TSHZ3: variants seen among roughly 807,000 people sequenced by gnomAD.
TSHZ3 encodes the protein teashirt homolog 3.
Under a neutral mutation model 64.5 loss-of-function variants are expected in TSHZ3, and 10 were observed. That is an observed-to-expected ratio of 0.16 (90% confidence interval 0.10 to 0.26). The LOEUF is 0.26. Among genes scored for constraint, TSHZ3 ranks in the 10% least tolerant of loss-of-function variants. The pLI, the probability that TSHZ3 is intolerant of heterozygous loss-of-function variation, is 1.00. For missense variants in TSHZ3, 1,242 were observed against 1,421.7 expected (o/e 0.87, Z 2.03); for synonymous variants, 608 against 593.1 (o/e 1.03, Z -0.36).
At chr19:31,224,599 G>A (rs892913910) in intron 4 of TSHZ3, among the ~76,000 whole-genome samples, 9 of 152,324 alleles carry the variant, frequency 5.9e-5, no homozygotes, top group East Asian at 1.9e-4. Flanking sequence ...GAAGCCAGAC[G>A]TGGTGGGTCA....
chr19:31,211,948 A>G (rs1975263339), intron 4 of TSHZ3, among the ~76,000 whole-genome samples: 1 of 152,196 alleles, frequency 6.6e-6, no homozygotes, highest in Admixed American at 6.5e-5. Flanking sequence ...TATCCAGGGT[A>G]GATGCTTGGA....
At chr19:31,251,362 C>A (rs1022435585) in intron 1 of TSHZ3, among the ~76,000 whole-genome samples, 1 of 152,198 alleles carries the variant, frequency 6.6e-6, no homozygotes, top group South Asian at 2.1e-4. Flanking sequence ...GGTTTCCCTG[C>A]AAAGCAGAAG....
intron 1 of TSHZ3, among the ~76,000 whole-genome samples, chr19:31,299,101 A>G (rs1349049270): frequency 1.3e-5 from 2 of 152,176 alleles, no homozygotes; most frequent in African/African-American, 4.8e-5. Flanking sequence ...AGGCTAAGGC[A>G]GGAGAATTGC....
rs3030263 is a variant in TSHZ3 at position 31,285,781 on chromosome 19, CAAAAAAAAAAAAAAA to C, written c.41-6044_41-6030del. ...TGGGCAGCAGAGCAAGCCACTGTCT[CAAAAAAAAAAAAAAA>C]AAAAAAAAAAAAGGAAAAGTGAAAG... is the stretch of plus-strand genomic sequence containing the variant. On this transcript the variant is annotated intron_variant, in intron 1 of 1. Coordinates refer to ENST00000240587, the MANE Select transcript of TSHZ3 (RefSeq NM_020856.4). 4.7e-3 allele frequency among the ~76,000 whole-genome samples: 211 copies of C among 45,000 alleles called. 1 individual carries two copies. The highest frequency in any genetic ancestry group is 0.026 in the Middle Eastern group (1 of 38). The allele number at this position is 45,000 out of a possible 152,430, so 29.5% of individuals were successfully genotyped here. A position where few individuals can be genotyped will look rare whatever the true frequency, so the allele number is the denominator to read the frequency against.
chr19:31,276,469 C>G lies in TSHZ3; in HGVS notation c.*78G>C, dbSNP rs1976234087. The G allele has an allele frequency of 2.2e-6, 3 of 1,353,400 alleles. No homozygotes were observed. Among genetic ancestry groups the G allele is most frequent in the Non-Finnish European group, 3.0e-6 (3 of 988,350 alleles). 83.8% of individuals were successfully genotyped at this position (1,353,400 alleles called of 1,614,324 possible). On this transcript the variant is annotated 3_prime_UTR_variant, in exon 2 of 2. Coordinates refer to ENST00000240587, the MANE Select transcript of TSHZ3 (RefSeq NM_020856.4). The stretch of plus-strand genomic sequence containing the variant: ...AAATAAGAACATGTGCCAAGAACAA[C>G]AAGTCAGAGGGGGCCTGAAGGTGCC...
chr19:31,307,668 T>C (rs971266403), intron 1 of TSHZ3, among the ~76,000 whole-genome samples: 19 of 152,200 alleles, frequency 1.2e-4, no homozygotes, highest in African/African-American at 3.9e-4. Flanking sequence ...GAGGAAATAA[T>C]AGCCATTTCC....
intron 4 of TSHZ3, among the ~76,000 whole-genome samples, chr19:31,218,518 T>C (rs1184459879): frequency 6.6e-6 from 1 of 152,178 alleles, no homozygotes; most frequent in Non-Finnish European, 1.5e-5. Context: ...CTAAATATAC[T>C]CTTACCATGC....
At chr19:31,298,007 C>T (rs1976692699) in intron 1 of TSHZ3, among the ~76,000 whole-genome samples, 1 of 152,144 alleles carries the variant, frequency 6.6e-6, no homozygotes, top group Non-Finnish European at 1.5e-5. Flanking sequence ...GTCAGTGGGC[C>T]ACCACCTCGG....
chr19:31,325,488 G>A (rs888497448), intron 1 of TSHZ3, among the ~76,000 whole-genome samples: 1 of 152,192 alleles, frequency 6.6e-6, no homozygotes, highest in African/African-American at 2.4e-5. Flanking sequence ...GGTGCCTGCT[G>A]AGCGAGAGAA....
intron 5 of TSHZ3, among the ~76,000 whole-genome samples, chr19:31,158,532 T>C (rs1186292515): frequency 6.6e-6 from 1 of 152,166 alleles, no homozygotes; most frequent in Non-Finnish European, 1.5e-5. Context: ...CCCAGCCTTT[T>C]TGGTACTAGG....
intron 5 of TSHZ3, among the ~76,000 whole-genome samples, chr19:31,187,292 C>A (rs1426914825): frequency 2.0e-5 from 3 of 152,136 alleles, no homozygotes; most frequent in Non-Finnish European, 4.4e-5. Flanking sequence ...AGGTTGACTT[C>A]TTTCACTCAG....
At chr19:31,218,924 A>G (rs1343936474) in intron 4 of TSHZ3, among the ~76,000 whole-genome samples, 1 of 152,178 alleles carries the variant, frequency 6.6e-6, no homozygotes, top group Non-Finnish European at 1.5e-5. Context: ...TGGGATTGTA[A>G]TCCGGCAGCA....
chr19:31,229,378 C>A (rs1392564929), intron 3 of TSHZ3, among the ~76,000 whole-genome samples: 2 of 152,164 alleles, frequency 1.3e-5, no homozygotes, highest in African/African-American at 4.8e-5. Context: ...CATTAAGAAT[C>A]TATTCCATAA....
chr19:31,297,526 G>C lies in TSHZ3; in HGVS notation c.41-17774C>G, dbSNP rs867672989. ...AGGTCTTGTTCCATTGCCCACGCAG[G>C]AGTACTGTGGTGTGATCATGGCTCA... On this transcript the variant is annotated intron_variant, in intron 1 of 1. Transcript: ENST00000240587. Among the ~76,000 whole-genome samples the C allele has an allele frequency of 3.3e-5, 5 of 152,136 alleles. No homozygotes were observed. In the South Asian group the frequency reaches 1.0e-3, roughly 32 times the overall value.
rs1976242836 is a variant in TSHZ3, at chr19:31,276,772, G to A, written c.3021C>T (p.Ser1007=). 1 of 1,613,932 alleles carries A rather than the reference G, an allele frequency of 6.2e-7. No individual in the cohort carries two copies. The highest frequency in any genetic ancestry group is 1.3e-5 in the African/African-American group (1 of 74,922). ...SHLGFRLRDL[S]KLSTEQINSQ... Reference sequence around the variant, plus strand: ...TGTTAATCTGTTCGGTGGACAGTTTGGATAAGTCCCGTAGCCGGAAGCCTA... The same window carrying A: ...TGTTAATCTGTTCGGTGGACAGTTTAGATAAGTCCCGTAGCCGGAAGCCTA... The change falls in exon 2 of 2, where the codon TCC becomes TCT. Residue 1007 remains serine, a synonymous_variant. Transcript: ENST00000240587.
downstream of TSHZ3, among the ~76,000 whole-genome samples, chr19:31,272,858 C>G (rs758084250): frequency 6.6e-6 from 1 of 152,150 alleles, no homozygotes; most frequent in Non-Finnish European, 1.5e-5. Flanking sequence ...CAGGGTCACC[C>G]GCGCACCTGT....
At chr19:31,161,705 G>A (rs1006597876) in intron 5 of TSHZ3, among the ~76,000 whole-genome samples, 2 of 152,206 alleles carry the variant, frequency 1.3e-5, no homozygotes, top group South Asian at 4.1e-4. Context: ...AGGCAGACGT[G>A]CAGTTTGCAT....
intron 1 of TSHZ3, among the ~76,000 whole-genome samples, chr19:31,319,330 A>T (rs560900564): frequency 1.3e-5 from 2 of 152,398 alleles, no homozygotes; most frequent in South Asian, 4.1e-4. Flanking sequence ...TTCCTTCTTT[A>T]AGAATTTTGC....
intron 1 of TSHZ3, among the ~76,000 whole-genome samples, chr19:31,285,157 G>A (rs911437642): frequency 9.8e-5 from 15 of 152,292 alleles, no homozygotes; most frequent in African/African-American, 3.6e-4. Context: ...GCCTGCCCAA[G>A]CTGTGCCCAC....
Sources: gnomAD v4.1 joint callset for allele counts (sites outside exome capture counted in the v4.1 genomes callset) on GRCh38, gnomAD v4.1.1 for gene constraint, MANE v1.5 for transcripts, NCBI Gene and HGNC (gene_info 2026-07-23, HGNC 2026-07-21) for gene names.